Variants in STIM1 observed in about 807,000 individuals in gnomAD.
The protein encoded by STIM1 is stromal interaction molecule 1.
Under a neutral mutation model 74.7 loss-of-function variants are expected in STIM1, and 25 were observed. The ratio of observed to expected loss-of-function variants is 0.33; its 90% confidence interval spans 0.24 to 0.47. The LOEUF is 0.47. Ranked by LOEUF, STIM1 falls within the 20% of genes least tolerant of loss-of-function variation. The pLI is 1.00. For synonymous variants in STIM1, 328 were observed against 348.8 expected, an observed-to-expected ratio of 0.94 and a Z score of 0.66; for missense variants, 728 against 920.8, an observed-to-expected ratio of 0.79 and a Z score of 2.71.
At chr11:3,961,516 A>AT (rs749704432) in intron 1 of STIM1, 30 of 148,638 alleles carry the variant, frequency 2.0e-4, no homozygotes, top group Middle Eastern at 3.4e-3. Context: ...ATATACATAT[A>AT]TTTTTTTTTT....
chr11:3,903,532 C>G (rs2092399783), intron 1 of STIM1: 1 of 152,172 alleles, frequency 6.6e-6, no homozygotes, highest in Admixed American at 6.5e-5. Context: ...AATCATTTTC[C>G]AAAGAATTTT....
At chr11:3,892,321 G>C in intron 1 of STIM1, 1 of 882,298 alleles carries the variant, frequency 1.1e-6, no homozygotes, top group Non-Finnish European at 1.8e-6. Context: ...GAGCAAATGG[G>C]GTGGAGGGGT....
chr11:3,911,906 CTGT>C (rs138277695), intron 1 of STIM1, among the ~76,000 whole-genome samples: 16 of 152,196 alleles, frequency 1.1e-4, no homozygotes, highest in African/African-American at 2.6e-4. Context: ...CACTGCTTTG[CTGT>C]TGTTGTTGTT....
intron 1 of STIM1, among the ~76,000 whole-genome samples, chr11:3,946,787 T>G (rs2093080139): frequency 6.6e-6 from 1 of 152,180 alleles, no homozygotes; most frequent in African/African-American, 2.4e-5. Context: ...TTTGGCTCAC[T>G]CTAACCAGTT....
intron 2 of STIM1, among the ~76,000 whole-genome samples, chr11:4,009,943 G>A (rs2093819711): frequency 6.6e-6 from 1 of 152,112 alleles, no homozygotes; most frequent in South Asian, 2.1e-4. Flanking sequence ...CTCCCAAGTA[G>A]TTGGGACCAC....
intron 2 of STIM1, among the ~76,000 whole-genome samples, chr11:3,995,907 A>C (rs1028031033): frequency 2.0e-5 from 3 of 149,684 alleles, no homozygotes; most frequent in Middle Eastern, 3.5e-3. Flanking sequence ...GGGTCTCCCT[A>C]TGTTGCCCAG....
At chr11:4,068,134 G>C (rs1473063637) in intron 5 of STIM1, among the ~76,000 whole-genome samples, 4 of 152,324 alleles carry the variant, frequency 2.6e-5, no homozygotes, top group Admixed American at 1.3e-4. Flanking sequence ...TTACCTTAGA[G>C]GGAGGGAGTG....
In STIM1 at chr11:4,084,765, G is replaced by C. The variant is rs566784149; in HGVS notation, c.1567G>C (p.Ala523Pro). 10 of 1,289,210 alleles carry C rather than the reference G, an allele frequency of 7.8e-6. No homozygotes were observed. Among genetic ancestry groups the C allele is most frequent in the Middle Eastern group, 2.1e-4 (1 of 4,696 alleles). 79.9% of individuals were successfully genotyped at this position (1,289,210 alleles called of 1,614,324 possible). The change falls in exon 11 of 13, where the codon GCC becomes CCC. Residue 523 changes from alanine (A) to proline (P), a missense_variant and splice_region_variant. By Grantham distance (27) the Ala-to-Pro change is conservative (BLOSUM62 -1). Coordinates refer to ENST00000526596, the MANE Select transcript of STIM1 (RefSeq NM_001382567.1). ...SDDQSLWKYP[A>P]PSLQSSVRQR... ...TGATCAGTCCCTCTGGAAATACCCCGGTTTGAGGAGCCCCTTTGGGGCATT... is the reference window on the plus strand; with the variant it reads ...TGATCAGTCCCTCTGGAAATACCCCCGTTTGAGGAGCCCCTTTGGGGCATT...
At position 3,943,258 on chromosome 11, in the gene STIM1, T is replaced by C. The variant is rs145101277; in HGVS notation, c.140-24294T>C. On this transcript the variant is annotated intron_variant, in intron 1 of 12. Transcript: ENST00000526596. The stretch of plus-strand genomic sequence containing the variant: ...CCACAGAACCTGGTATATCCTGTGA[T>C]TGTAGATATTTCCTAGTAGAAAATG... 1.2e-3 allele frequency among the ~76,000 whole-genome samples: 182 copies of C among 152,360 alleles called. 1 individual carries two copies. Among genetic ancestry groups the C allele is most frequent in the African/African-American group, 4.2e-3 (176 of 41,588 alleles).
chr11:4,086,029 CA>C (rs1417131595), intron 11 of STIM1, among the ~76,000 whole-genome samples: 8 of 152,140 alleles, frequency 5.3e-5, no homozygotes, highest in African/African-American at 1.9e-4. Flanking sequence ...AAAAAGTAAA[CA>C]ATTATGTTTA....
chr11:4,069,238 T>G (rs1266997292), intron 5 of STIM1, among the ~76,000 whole-genome samples: 1 of 152,190 alleles, frequency 6.6e-6, no homozygotes, highest in Non-Finnish European at 1.5e-5. Flanking sequence ...TGGCTTTTGC[T>G]TTTTATCTTG....
chr11:4,016,282 T>G (rs2093895824), intron 2 of STIM1, among the ~76,000 whole-genome samples: 2 of 152,240 alleles, frequency 1.3e-5, no homozygotes, highest in African/African-American at 4.8e-5. Flanking sequence ...GTTTGTTAAT[T>G]TTCCTTCTAA....
intron 12 of STIM1, 160 bp downstream of exon 12, chr11:4,086,703 C>G (rs750861303): frequency 2.6e-6 from 4 of 1,538,804 alleles, no homozygotes; most frequent in Non-Finnish European, 2.6e-6. Flanking sequence ...TCACCACCAT[C>G]ACCACTACCA....
chr11:3,932,671 A>T (rs2092882325), intron 1 of STIM1, among the ~76,000 whole-genome samples: 1 of 149,364 alleles, frequency 6.7e-6, no homozygotes, highest in African/African-American at 2.5e-5. Context: ...CAAAGGAAAA[A>T]AAAAAAAAAA....
intron 2 of STIM1, chr11:3,989,067 A>C: frequency 7.7e-7 from 1 of 1,295,282 alleles, no homozygotes; most frequent in Non-Finnish European, 1.1e-6. Context: ...CTACTAAAAA[A>C]CTTGCATTTA....
At chr11:3,879,489 A>G (rs2091422037) in intron 1 of STIM1, among the ~76,000 whole-genome samples, 1 of 152,192 alleles carries the variant, frequency 6.6e-6, no homozygotes, top group African/African-American at 2.4e-5. Flanking sequence ...GATGGTAGTC[A>G]TATTATAATA....
At chr11:4,057,174 T>A (rs1266458820) in intron 4 of STIM1, among the ~76,000 whole-genome samples, 2 of 152,224 alleles carry the variant, frequency 1.3e-5, no homozygotes, top group African/African-American at 4.8e-5. Context: ...TCTTTCTTGC[T>A]ACCCATAGAA....
chr11:3,890,590 C>G (rs1393870992), intron 1 of STIM1, among the ~76,000 whole-genome samples: 1 of 152,096 alleles, frequency 6.6e-6, no homozygotes, highest in Non-Finnish European at 1.5e-5. Flanking sequence ...CGCCTGTAAT[C>G]CCAGCTACTC....
chr11:4,040,197 T>A (rs542406138), intron 3 of STIM1, among the ~76,000 whole-genome samples: 1 of 152,320 alleles, frequency 6.6e-6, no homozygotes, highest in South Asian at 2.1e-4. Flanking sequence ...TGTAAACATT[T>A]CTGTGTTAAA....
Sources: allele counts gnomAD v4.1 joint callset (sites outside exome capture counted in the v4.1 genomes callset), GRCh38; gene constraint gnomAD v4.1.1; transcripts MANE v1.5; gene names NCBI Gene and HGNC (gene_info 2026-07-23, HGNC 2026-07-21).